The following BNIP3L variants were observed in gnomAD, a reference collection of about 807,000 sequenced individuals.
BNIP3L encodes the protein BCL2 interacting protein 3 like.
In BNIP3L, 10 loss-of-function variants were observed where a neutral mutation model predicts 25.5. That is an observed-to-expected ratio of 0.39 (90% CI 0.24 to 0.67). BNIP3L has a LOEUF of 0.67. Ranked by LOEUF, BNIP3L falls within the 30% of genes least tolerant of loss-of-function variation. BNIP3L has a pLI of 0.45. For synonymous variants in BNIP3L, 113 were observed against 101.2 expected (o/e 1.12, Z -0.70); for missense variants, 215 against 270.9 (o/e 0.79, Z 1.45).
At position 26,408,248 on chromosome 8, in the gene BNIP3L, T is replaced by G. The variant is rs1379042656; in HGVS notation, c.483T>G (p.Pro161=). ...TCAGGGAGTTCCACTTCAGACACCC[T>G]AAACGTTCTGTGTCTTTAAGCATGA... ...IPPKEFHFRH[P]KRSVSLSMRK... The change falls in exon 5 of 6, where the codon CCT becomes CCG. Residue 161 remains proline, a synonymous_variant. Coordinates refer to ENST00000380629, the MANE Select transcript of BNIP3L (RefSeq NM_004331.3). The G allele has an allele frequency of 6.2e-7, 1 of 1,614,144 alleles. No individual in the cohort carries two copies.
rs553118428 is a variant in BNIP3L, at chr8:26,412,903, A to C, written c.*2491A>C. On this transcript the variant is annotated 3_prime_UTR_variant, in exon 6 of 6. Coordinates refer to ENST00000380629, the MANE Select transcript of BNIP3L (RefSeq NM_004331.3). ...AAGTGCAACAAGTTCCCGTGATTGC[A>C]GTAAAAATATTTACTATTCTAAAAA... 1 of 152,630 alleles carries C rather than the reference A, an allele frequency of 6.6e-6. No homozygotes were observed. The highest frequency in any genetic ancestry group is 2.4e-5 in the African/African-American group (1 of 41,456). 9.5% of individuals were successfully genotyped at this position (152,630 alleles called of 1,614,324 possible).
chr8:26,401,090 C>T (rs1288556088), intron 3 of BNIP3L, among the ~76,000 whole-genome samples: 3 of 139,238 alleles, frequency 2.2e-5, no homozygotes, highest in Non-Finnish European at 4.8e-5. Context: ...GACTATAAAT[C>T]ATGCTGCTAT....
At chr8:26,398,560 A>T (rs1369262291) in intron 3 of BNIP3L, among the ~76,000 whole-genome samples, 2 of 136,548 alleles carry the variant, frequency 1.5e-5, no homozygotes, top group African/African-American at 5.6e-5. Context: ...CACAATTAAA[A>T]GAACTAGAAA....
Position 26,410,346 on chromosome 8 carries a change from G to A in BNIP3L, c.612-18G>A, listed in dbSNP as rs1806594328. ...ACTGTTGAAACAGGTGAAACATGAT[G>A]CTTCTGCTTCCTTTCAGCATCTATA... On this transcript the variant is annotated intron_variant, in intron 5 of 5. Transcript: ENST00000380629. The A allele has an allele frequency of 6.2e-7, 1 of 1,614,020 alleles. No homozygotes were observed. The highest frequency in any genetic ancestry group is 1.3e-5 in the African/African-American group (1 of 75,014).
intron 5 of BNIP3L, among the ~76,000 whole-genome samples, chr8:26,409,785 G>A (rs567444749): frequency 1.3e-5 from 2 of 152,170 alleles, no homozygotes; most frequent in Non-Finnish European, 2.9e-5. Flanking sequence ...AATTGCACTG[G>A]AGGTGAAGCT....
chr8:26,383,251 CTG>C, intron 1 of BNIP3L, 21 bp downstream of exon 1: 1 of 1,596,666 alleles, frequency 6.3e-7, no homozygotes, highest in South Asian at 1.1e-5. Flanking sequence ...GGCCGAGGCT[CTG>C]TGAAGGGGAT....
chr8:26,390,591 GAGAT>G (rs1408423371), intron 1 of BNIP3L: 1 of 962,446 alleles, frequency 1.0e-6, no homozygotes, highest in Non-Finnish European at 1.2e-6. Context: ...ACTAATCAGT[GAGAT>G]AGAGATAAAG....
Position 26,401,472 on chromosome 8 carries a change from C to T in BNIP3L, c.357+6170C>T, listed in dbSNP as rs572146248. 1.5e-4 allele frequency among the ~76,000 whole-genome samples: 23 copies of T among 150,174 alleles called. No homozygotes were observed. The South Asian group carries it at 2.1e-3, about 14-fold the overall frequency. On this transcript the variant is annotated intron_variant, in intron 3 of 5. Transcript: ENST00000380629. ...GGGAGATATACCTAATGCTAGATGA[C>T]GAGTTAGTGGGTGCAGCACACCAGC...
chr8:26,408,178 C>T (rs760342858), intron 4 of BNIP3L, 49 bp from the exon 5 acceptor site: 1 of 1,611,676 alleles, frequency 6.2e-7, no homozygotes, highest in East Asian at 2.2e-5. Flanking sequence ...CCTGGTAATC[C>T]CCACGATATT....
chr8:26,386,542 C>T (rs1366746310), intron 1 of BNIP3L, among the ~76,000 whole-genome samples: 1 of 152,112 alleles, frequency 6.6e-6, no homozygotes, highest in African/African-American at 2.4e-5. Context: ...TCAAGTGATC[C>T]TCCTGCCTCA....
At chr8:26,385,123 T>C (rs1805964338) in intron 1 of BNIP3L, among the ~76,000 whole-genome samples, 1 of 152,168 alleles carries the variant, frequency 6.6e-6, no homozygotes, top group Non-Finnish European at 1.5e-5. Context: ...GTGTGTCTTA[T>C]TTTGTCAGTG....
chr8:26,401,323 A>G (rs1402490992), intron 3 of BNIP3L, among the ~76,000 whole-genome samples: 1 of 143,298 alleles, frequency 7.0e-6, no homozygotes, highest in Admixed American at 7.1e-5. Context: ...AGAACAAAAA[A>G]CCAAACACCG....
chr8:26,402,765 A>G (rs1806415646), intron 3 of BNIP3L, among the ~76,000 whole-genome samples: 1 of 151,902 alleles, frequency 6.6e-6, no homozygotes, highest in African/African-American at 2.4e-5. Context: ...CTCTGTCTCT[A>G]AAAAAAAGAA....
chr8:26,395,285 A>C lies in BNIP3L; in HGVS notation c.340A>C (p.Arg114=), dbSNP rs759686493. 6.2e-7 allele frequency: 1 copy of C among 1,614,096 alleles called. No individual in the cohort carries two copies. Among genetic ancestry groups the C allele is most frequent in the South Asian group, 1.1e-5 (1 of 91,074 alleles). The change falls in exon 3 of 6, where the codon AGG becomes CGG. Residue 114 remains arginine (R), a synonymous_variant. Transcript: ENST00000380629. The stretch of plus-strand genomic sequence containing the variant: ...GTTTGATGTGGAAATGCACACCAGC[A>C]GGGACCATAGCTCTCAGGTGTGTCG... ...IMFDVEMHTS[R]DHSSQSEEEV... is the part of the protein sequence containing the mutation.
chr8:26,384,726 C>CTTTTTTTTTT (rs1563336450), intron 1 of BNIP3L, among the ~76,000 whole-genome samples: 1 of 95,656 alleles, frequency 1.0e-5, no homozygotes. Context: ...CTTTTGAGGA[C>CTTTTTTTTTT]ATTTTTTTTT....
chr8:26,408,504 T>C (rs1806548936), intron 5 of BNIP3L, 128 bp downstream of exon 5: 3 of 1,124,374 alleles, frequency 2.7e-6, no homozygotes, highest in Non-Finnish European at 3.8e-6. Flanking sequence ...TAAGGTGAAC[T>C]TAAAAAAGTG....
In BNIP3L at chr8:26,398,952, G is replaced by T. The variant is rs960081934; in HGVS notation, c.357+3650G>T. Among the ~76,000 whole-genome samples the T allele has an allele frequency of 7.3e-4, 111 of 151,226 alleles. 1 individual carries two copies. Among genetic ancestry groups the T allele is most frequent in the African/African-American group, 2.5e-3 (104 of 41,260 alleles). On this transcript the variant is annotated intron_variant, in intron 3 of 5. Coordinates refer to ENST00000380629, the MANE Select transcript of BNIP3L (RefSeq NM_004331.3). Reference sequence around the variant, plus strand: ...AGTTTACCAACCAAGAAGAGTCCAGGACCAGATGGATTCACAGCCGAATTC... The same window carrying T: ...AGTTTACCAACCAAGAAGAGTCCAGTACCAGATGGATTCACAGCCGAATTC...
At chr8:26,387,425 A>C (rs898000801) in intron 1 of BNIP3L, among the ~76,000 whole-genome samples, 1 of 152,230 alleles carries the variant, frequency 6.6e-6, no homozygotes, top group Non-Finnish European at 1.5e-5. Context: ...GATCATTAGG[A>C]GGAGAATTCA....
At chr8:26,395,682 C>T (rs546002773) in intron 3 of BNIP3L, 5 of 200,116 alleles carry the variant, frequency 2.5e-5, no homozygotes, top group Non-Finnish European at 5.2e-5. Context: ...ACGCAGAAGA[C>T]GGGTGATTTC....
Sources: allele counts gnomAD v4.1 joint callset (sites outside exome capture counted in the v4.1 genomes callset), GRCh38; gene constraint gnomAD v4.1.1; transcripts MANE v1.5; gene names NCBI Gene and HGNC (gene_info 2026-07-23, HGNC 2026-07-21).